The following PAK5 variants were observed in gnomAD, a reference collection of about 807,000 sequenced individuals.
PAK5 encodes the protein p21 (RAC1) activated kinase 5.
In PAK5, 16 loss-of-function variants were observed where a neutral mutation model predicts 65.9. The ratio of observed to expected loss-of-function variants is 0.24; its 90% confidence interval spans 0.16 to 0.37. The LOEUF is 0.37. Among genes scored for constraint, PAK5 ranks in the 10% least tolerant of loss-of-function variants. The pLI is 1.00. For synonymous variants in PAK5, 371 were observed against 354.9 expected, an observed-to-expected ratio of 1.05 and a Z score of -0.51; for missense variants, 785 against 903.9, an observed-to-expected ratio of 0.87 and a Z score of 1.69.
chr20:9,738,387 G>C (rs2048414772), intron 1 of PAK5, among the ~76,000 whole-genome samples: 1 of 152,020 alleles, frequency 6.6e-6, no homozygotes, highest in African/African-American at 2.4e-5. Flanking sequence ...AACCTTATTT[G>C]TAATAGCCAA....
intron 1 of PAK5, among the ~76,000 whole-genome samples, chr20:9,765,590 C>A (rs1352420146): frequency 6.6e-6 from 1 of 152,056 alleles, no homozygotes; most frequent in African/African-American, 2.4e-5. Flanking sequence ...TTAAAACTGG[C>A]CATGATGGGA....
intron 4 of PAK5, 81 bp from the exon 5 acceptor site, chr20:9,566,465 A>G (rs1230531266): frequency 2.9e-6 from 4 of 1,358,180 alleles, no homozygotes; most frequent in Non-Finnish European, 4.1e-6. Context: ...GCTGACTGAC[A>G]GCTGGCAGAA....
At chr20:9,558,855 C>T (rs1046923711) in intron 6 of PAK5, among the ~76,000 whole-genome samples, 1 of 152,144 alleles carries the variant, frequency 6.6e-6, no homozygotes. Context: ...ATGACTGCAC[C>T]CCTGTGGAGA....
At chr20:9,619,643 T>C (rs2046734250) in intron 3 of PAK5, among the ~76,000 whole-genome samples, 1 of 152,206 alleles carries the variant, frequency 6.6e-6, no homozygotes, top group Admixed American at 6.5e-5. Context: ...ATAACACATT[T>C]CCAAGTCTTG....
At chr20:9,666,677 T>A (rs1327533978) in intron 2 of PAK5, among the ~76,000 whole-genome samples, 1 of 152,014 alleles carries the variant, frequency 6.6e-6, no homozygotes, top group East Asian at 1.9e-4. Context: ...CAAAACAAAA[T>A]GCAAAACAAA....
At chr20:9,657,071 A>G (rs1264953504) in intron 2 of PAK5, among the ~76,000 whole-genome samples, 2 of 152,162 alleles carry the variant, frequency 1.3e-5, no homozygotes, top group Non-Finnish European at 2.9e-5. Context: ...TCCTGTAACC[A>G]CCAGCACAAT....
At chr20:9,732,575 T>C (rs922463710) in intron 1 of PAK5, among the ~76,000 whole-genome samples, 2 of 152,202 alleles carry the variant, frequency 1.3e-5, no homozygotes, top group African/African-American at 4.8e-5. Context: ...AATAAACTCA[T>C]GTGAGCTCTC....
chr20:9,571,952 G>C (rs377326216), intron 4 of PAK5, among the ~76,000 whole-genome samples: 35 of 151,998 alleles, frequency 2.3e-4, no homozygotes, highest in East Asian at 2.1e-3. Context: ...GCCTGGTCAG[G>C]GTGTTTCACT....
intron 1 of PAK5, among the ~76,000 whole-genome samples, chr20:9,836,554 G>C (rs558399810): frequency 5.9e-5 from 9 of 152,162 alleles, no homozygotes; most frequent in Non-Finnish European, 1.3e-4. Context: ...GTTTTGGAGG[G>C]TGCATGGCCC....
At chr20:9,607,504 T>G (rs748870054) in intron 3 of PAK5, among the ~76,000 whole-genome samples, 4 of 152,158 alleles carry the variant, frequency 2.6e-5, no homozygotes, top group African/African-American at 4.8e-5. Context: ...GTCTCAGTGT[T>G]AATGTCTTAA....
At chr20:9,708,027 C>T (rs1225855238) in intron 2 of PAK5, among the ~76,000 whole-genome samples, 3 of 152,204 alleles carry the variant, frequency 2.0e-5, no homozygotes, top group Non-Finnish European at 4.4e-5. Flanking sequence ...ATAGCTACAA[C>T]ATACTTCTAG....
intron 2 of PAK5, among the ~76,000 whole-genome samples, chr20:9,650,317 T>G (rs2047186928): frequency 6.6e-6 from 1 of 152,164 alleles, no homozygotes; most frequent in Non-Finnish European, 1.5e-5. Context: ...CAGACCCAGA[T>G]TCAGTCTCTT....
intron 2 of PAK5, among the ~76,000 whole-genome samples, chr20:9,645,705 C>T (rs1465428507): frequency 6.6e-6 from 1 of 152,170 alleles, no homozygotes; most frequent in Non-Finnish European, 1.5e-5. Flanking sequence ...CTGCCTCAGC[C>T]TCCCGAGTAG....
At chr20:9,719,967 G>T (rs2048195377) in intron 1 of PAK5, among the ~76,000 whole-genome samples, 1 of 152,168 alleles carries the variant, frequency 6.6e-6, no homozygotes, top group African/African-American at 2.4e-5. Flanking sequence ...AATGGTAAAA[G>T]ATAACAGTTT....
chr20:9,677,470 A>T (rs199944168), intron 2 of PAK5, among the ~76,000 whole-genome samples: 1 of 152,210 alleles, frequency 6.6e-6, no homozygotes, highest in East Asian at 1.9e-4. Context: ...GGCCTTAGAC[A>T]TGAAACCCTG....
intron 6 of PAK5, among the ~76,000 whole-genome samples, chr20:9,562,084 C>T (rs1220982977): frequency 6.6e-6 from 1 of 152,296 alleles, no homozygotes; most frequent in South Asian, 2.1e-4. Flanking sequence ...TCTTAGTGAA[C>T]TCCTATTCGC....
At chr20:9,619,399 G>C (rs781767435) in intron 3 of PAK5, among the ~76,000 whole-genome samples, 1 of 152,140 alleles carries the variant, frequency 6.6e-6, no homozygotes, top group Non-Finnish European at 1.5e-5. Context: ...CTCTTTGAAG[G>C]AGACACACTT....
At chr20:9,654,164 G>C (rs1475567257) in intron 2 of PAK5, among the ~76,000 whole-genome samples, 3 of 151,992 alleles carry the variant, frequency 2.0e-5, no homozygotes, top group Non-Finnish European at 4.4e-5. Context: ...AGTAGAGATG[G>C]GGTTTTCCAT....
chr20:9,599,455 G>C (rs1448237229), intron 3 of PAK5, among the ~76,000 whole-genome samples: 1 of 152,174 alleles, frequency 6.6e-6, no homozygotes. Context: ...TGCACCATTT[G>C]GTATTCCCAT....
Sources: gnomAD v4.1 joint callset for allele counts (sites outside exome capture counted in the v4.1 genomes callset) on GRCh38, gnomAD v4.1.1 for gene constraint, MANE v1.5 for transcripts, NCBI Gene and HGNC (gene_info 2026-07-23, HGNC 2026-07-21) for gene names.